Variants in ALDH8A1 observed in about 807,000 individuals in gnomAD.
ALDH8A1 encodes 2-aminomuconic semialdehyde dehydrogenase.
ALDH8A1 carries 39 observed loss-of-function variants against 43.3 expected under a neutral mutation model. That is an observed-to-expected ratio of 0.90 (90% CI 0.70 to 1.18). The LOEUF (loss-of-function observed/expected upper bound fraction) is 1.18, where lower values mean the gene tolerates loss of function less well. Among genes scored for constraint, ALDH8A1 ranks in the 50% most tolerant of loss-of-function variants. The pLI is 0.00. For synonymous variants in ALDH8A1, 233 were observed against 243.5 expected (o/e 0.96, Z 0.40); for missense variants, 605 against 622.6 (o/e 0.97, Z 0.30).
chr6:134,942,574 G>A lies in ALDH8A1; in HGVS notation c.287-10C>T, dbSNP rs1268784939. The A allele has an allele frequency of 6.2e-6, 10 of 1,611,478 alleles. No homozygotes were observed. The highest frequency in any genetic ancestry group is 1.1e-5 in the South Asian group (1 of 90,736). ...AGTGCTAAGGTTTTCCCTGTAAGAAGCAAACAACATAAAGCACTATCAGCT... is the reference window on the plus strand; with the variant it reads ...AGTGCTAAGGTTTTCCCTGTAAGAAACAAACAACATAAAGCACTATCAGCT... On this transcript the variant is annotated splice_polypyrimidine_tract_variant and intron_variant, in intron 2 of 6. Coordinates refer to ENST00000265605, the MANE Select transcript of ALDH8A1 (RefSeq NM_022568.4).
At position 134,939,275 on chromosome 6, in the gene ALDH8A1, C is replaced by A. The variant is rs1399994498; in HGVS notation, c.583G>T (p.Asp195Tyr). Residue 195 changes from aspartate to tyrosine, a missense_variant, in exon 4 of 7, where the codon GAT becomes TAT. Coordinates refer to ENST00000265605, the MANE Select transcript of ALDH8A1 (RefSeq NM_022568.4). ...CCCAACACCTAATTACCTGCTTTAT[C>A]CAGGAGTTTGCACAACATCCACGCA... ...VTAWMLCKLL[D>Y]KAGVPPGVVN... is the part of the protein sequence containing the mutation. 1 of 1,614,046 alleles carries A rather than the reference C, an allele frequency of 6.2e-7. No individual in the cohort carries two copies. Among genetic ancestry groups the A allele is most frequent in the African/African-American group, 1.3e-5 (1 of 74,930 alleles).
At chr6:134,929,496 AG>A (rs1315278787) in intron 5 of ALDH8A1, among the ~76,000 whole-genome samples, 2 of 152,174 alleles carry the variant, frequency 1.3e-5, no homozygotes, top group African/African-American at 4.8e-5. Context: ...TTGCATGGGG[AG>A]GGGAGCTATT....
At chr6:134,937,741 G>T (rs1224404403) in intron 4 of ALDH8A1, among the ~76,000 whole-genome samples, 2 of 152,224 alleles carry the variant, frequency 1.3e-5, no homozygotes, top group Non-Finnish European at 2.9e-5. Context: ...GAAGAAGTAT[G>T]TCGCGCCTTT....
intron 6 of ALDH8A1, among the ~76,000 whole-genome samples, chr6:134,922,026 C>T (rs970783666): frequency 2.0e-5 from 3 of 152,344 alleles, no homozygotes; most frequent in South Asian, 2.1e-4. Flanking sequence ...GAGGCTCACT[C>T]GGTGTAAAGC....
intron 1 of ALDH8A1, 100 bp downstream of exon 1, chr6:134,949,816 C>T: frequency 2.2e-6 from 3 of 1,360,936 alleles, no homozygotes; most frequent in Middle Eastern, 2.2e-4. Context: ...TTTAACAATC[C>T]TACATCTTCC....
chr6:134,920,468 G>A (rs1439829267), intron 6 of ALDH8A1, among the ~76,000 whole-genome samples: 6 of 152,196 alleles, frequency 3.9e-5, no homozygotes, highest in African/African-American at 1.4e-4. Flanking sequence ...CAGAGGCCCT[G>A]CTGGGATGCA....
At chr6:134,924,292 T>G (rs1378106221) in intron 6 of ALDH8A1, among the ~76,000 whole-genome samples, 1 of 152,162 alleles carries the variant, frequency 6.6e-6, no homozygotes, top group Non-Finnish European at 1.5e-5. Flanking sequence ...CATACATACT[T>G]GCCTGATAAC....
chr6:134,931,052 G>A (rs117625730), intron 5 of ALDH8A1, among the ~76,000 whole-genome samples: 5 of 152,250 alleles, frequency 3.3e-5, no homozygotes, highest in Non-Finnish European at 7.4e-5. Context: ...GGAATTCATC[G>A]CTCAGCTAAA....
chr6:134,918,884 C>A lies in ALDH8A1; in HGVS notation c.1012-17G>T. 2 of 1,609,256 alleles carry A rather than the reference C, an allele frequency of 1.2e-6. No homozygotes were observed. Among genetic ancestry groups the A allele is most frequent in the Non-Finnish European group, 8.5e-7 (1 of 1,176,444 alleles). On this transcript the variant is annotated splice_polypyrimidine_tract_variant and intron_variant, in intron 6 of 6. Transcript: ENST00000265605. ...ACTTCTGACCTGCGTGGGTAAAAAT[C>A]ATAATTAGCAATGTCTTACCATGTG...
chr6:134,932,847 C>T lies in ALDH8A1; in HGVS notation c.778G>A (p.Ala260Thr), dbSNP rs573915991. The T allele has an allele frequency of 1.4e-5, 22 of 1,614,222 alleles. 1 individual carries two copies. In the South Asian group the frequency reaches 2.4e-4, roughly 18 times the overall value. ...LSLELGGKNPAIIFEDANLDE... is the reference protein window; with the variant it reads ...LSLELGGKNPTIIFEDANLDE... ...AGGTTGGCGTCCTCAAAGATGATGG[C>T]AGGATTCTTGCCCCCCAGCTCCAGG... The change falls in exon 5 of 7, where the codon GCC (alanine) becomes ACC (threonine). Residue 260 changes from alanine (A) to threonine (T), a missense_variant. Ala to Thr is a moderately conservative substitution (Grantham distance 58). Coordinates refer to ENST00000265605, the MANE Select transcript of ALDH8A1 (RefSeq NM_022568.4).
In ALDH8A1 at chr6:134,918,717, T is replaced by C. The variant is rs370890664; in HGVS notation, c.1162A>G (p.Met388Val). Residue 388 changes from methionine (M) to valine (V), a missense_variant, in exon 7 of 7, where the codon ATG becomes GTG. Physicochemically the swap from Met to Val is conservative, Grantham distance 21 (BLOSUM62 1). Transcript: ENST00000265605. ...ACTGGACCAAATATCTCTTCCGTCA[T>C]GCAGCAGGATTCATCCTTAATGTCT... The part of the protein sequence containing the change: ...ITDIKDESCC[M>V]TEEIFGPVTC... 3 of 1,614,114 alleles carry C rather than the reference T, an allele frequency of 1.9e-6. No individual in the cohort carries two copies. The highest frequency in any genetic ancestry group is 1.7e-5 in the Admixed American group (1 of 60,008).
At position 134,932,280 on chromosome 6, in the gene ALDH8A1, C is replaced by T. The variant is rs539145960; in HGVS notation, c.849+496G>A. Among the ~76,000 whole-genome samples the T allele has an allele frequency of 8.5e-5, 13 of 152,242 alleles. No homozygotes were observed. The South Asian group carries it at 1.0e-3, about 12-fold the overall frequency. ...TGTTATGTAATTTCAGGAGCTACAA[C>T]GATGCCCTGAAGCTGATCCATGAAT... On this transcript the variant is annotated intron_variant, in intron 5 of 6. Transcript: ENST00000265605.
chr6:134,924,325 A>G (rs930131285), intron 6 of ALDH8A1, among the ~76,000 whole-genome samples: 1 of 152,204 alleles, frequency 6.6e-6, no homozygotes, highest in African/African-American at 2.4e-5. Flanking sequence ...AAGGGACTCT[A>G]CAAACCACAA....
chr6:134,935,242 G>C (rs1233123057), intron 4 of ALDH8A1, among the ~76,000 whole-genome samples: 1 of 152,132 alleles, frequency 6.6e-6, no homozygotes, highest in African/African-American at 2.4e-5. Flanking sequence ...CATTAGATAG[G>C]GTGCTTACTG....
rs77693958 is a variant in ALDH8A1, at chr6:134,920,358, C to T, written c.1012-1491G>A. 4.5e-4 allele frequency among the ~76,000 whole-genome samples: 69 copies of T among 152,252 alleles called. No homozygotes were observed. In the East Asian group the frequency reaches 6.2e-3, roughly 14 times the overall value. On this transcript the variant is annotated intron_variant, in intron 6 of 6. Transcript: ENST00000265605. Reference sequence around the variant, plus strand: ...AAATAAGTTTGTACCTCTCTTGATCCGTACCCTCTTTCTTTTTTTGAAAAT... The same window carrying T: ...AAATAAGTTTGTACCTCTCTTGATCTGTACCCTCTTTCTTTTTTTGAAAAT...
In ALDH8A1 at chr6:134,932,828, G is replaced by T; in HGVS notation, c.797C>A (p.Ala266Asp). 6.2e-7 allele frequency: 1 copy of T among 1,614,234 alleles called. No individual in the cohort carries two copies. The change falls in exon 5 of 7, where the codon GCC (alanine) becomes GAC (aspartate). Residue 266 changes from alanine (A) to aspartate (D), a missense_variant. By Grantham distance (126) the Ala-to-Asp change is moderately radical. Coordinates refer to ENST00000265605, the MANE Select transcript of ALDH8A1 (RefSeq NM_022568.4). ...TGCCGGAATGCACTCATCCAGGTTG[G>T]CGTCCTCAAAGATGATGGCAGGATT... ...GKNPAIIFEDANLDECIPATV... is the reference protein window; with the variant it reads ...GKNPAIIFEDDNLDECIPATV...
chr6:134,947,294 A>G (rs923997449), intron 1 of ALDH8A1, among the ~76,000 whole-genome samples: 1 of 152,240 alleles, frequency 6.6e-6, no homozygotes, highest in Non-Finnish European at 1.5e-5. Context: ...CATAGGGTAA[A>G]TACTTCATGA....
chr6:134,927,185 A>G (rs1776898175), intron 6 of ALDH8A1, among the ~76,000 whole-genome samples: 1 of 152,214 alleles, frequency 6.6e-6, no homozygotes, highest in Non-Finnish European at 1.5e-5. Context: ...TTTCATGAAC[A>G]CATAGAATCT....
Position 134,932,840 on chromosome 6 carries a change from A to G in ALDH8A1, c.785T>C (p.Ile262Thr). The G allele has an allele frequency of 6.2e-7, 1 of 1,614,230 alleles. No homozygotes were observed. The highest frequency in any genetic ancestry group is 1.1e-5 in the South Asian group (1 of 91,084). ...LELGGKNPAIIFEDANLDECI... is the reference protein window; with the variant it reads ...LELGGKNPAITFEDANLDECI... ...CTCATCCAGGTTGGCGTCCTCAAAG[A>G]TGATGGCAGGATTCTTGCCCCCCAG... Residue 262 changes from isoleucine (I) to threonine (T), a missense_variant, in exon 5 of 7, where the codon ATC (isoleucine) becomes ACC (threonine). By Grantham distance (89) the Ile-to-Thr change is moderately conservative. Transcript: ENST00000265605.
Sources: allele counts gnomAD v4.1 joint callset (sites outside exome capture counted in the v4.1 genomes callset), GRCh38; gene constraint gnomAD v4.1.1; transcripts MANE v1.5; gene names NCBI Gene and HGNC (gene_info 2026-07-23, HGNC 2026-07-21).